Variants in MYO18B observed in about 807,000 individuals in gnomAD.
MYO18B encodes the protein unconventional myosin-XVIIIb.
In MYO18B, 204 loss-of-function variants were observed where a neutral mutation model predicts 273.0. The observed-to-expected ratio is 0.75, with a 90% CI of 0.67 to 0.84. The LOEUF (loss-of-function observed/expected upper bound fraction) is 0.84. Ranked by LOEUF, MYO18B falls within the 40% of genes least tolerant of loss-of-function variation. The pLI, the probability that MYO18B is intolerant of heterozygous loss-of-function variation, is 0.00. For synonymous variants in MYO18B, 1,330 were observed against 1,305.7 expected (o/e 1.02, Z -0.40); for missense variants, 3,212 against 3,287.6 (o/e 0.98, Z 0.56).
Position 25,761,379 on chromosome 22 carries a change from A to AGGTGGTGGT in MYO18B, c.39+260_39+268dup. 1.6e-3 allele frequency among the ~76,000 whole-genome samples: 245 copies of AGGTGGTGGT among 151,402 alleles called. 2 individuals carry two copies. The highest frequency in any genetic ancestry group is 0.011 in the South Asian group (51 of 4,768). On this transcript the variant is annotated intron_variant, in intron 2 of 43. Coordinates refer to ENST00000335473, the MANE Select transcript of MYO18B (RefSeq NM_032608.7). ...GCTGCCTGGTTGTTTCCTGTTCCAC[A>AGGTGGTGGT]GGTGGTGGTGGTGGTGGTGGGGGGT...
At chr22:25,924,108 A>G (rs2092387558) in intron 34 of MYO18B, among the ~76,000 whole-genome samples, 1 of 152,184 alleles carries the variant, frequency 6.6e-6, no homozygotes, top group Non-Finnish European at 1.5e-5. Context: ...CGTGGACCAG[A>G]GGTCAGGGTA....
At chr22:25,969,446 G>T (rs2146725283) in intron 39 of MYO18B, among the ~76,000 whole-genome samples, 1 of 152,320 alleles carries the variant, frequency 6.6e-6, no homozygotes, top group East Asian at 1.9e-4. Context: ...AGATCTGGCT[G>T]CTGTCCTGAT....
intron 40 of MYO18B, among the ~76,000 whole-genome samples, chr22:25,994,040 G>GA (rs1932970467): frequency 6.6e-6 from 1 of 152,084 alleles, no homozygotes; most frequent in Admixed American, 6.6e-5. Flanking sequence ...CCTAATTTTA[G>GA]AATGCGCATA....
intron 39 of MYO18B, among the ~76,000 whole-genome samples, chr22:25,974,971 A>G (rs1202408746): frequency 6.6e-6 from 1 of 152,176 alleles, no homozygotes; most frequent in African/African-American, 2.4e-5. Context: ...GCCATGTCCC[A>G]GAGTTGGAGA....
At position 25,908,407 on chromosome 22, in the gene MYO18B, A is replaced by T. The variant is rs763678704; in HGVS notation, c.5234A>T (p.Asp1745Val). The change falls in exon 32 of 44, where the codon GAT (aspartate) becomes GTT (valine). Residue 1745 changes from aspartate to valine, a missense_variant. Coordinates refer to ENST00000335473, the MANE Select transcript of MYO18B (RefSeq NM_032608.7). ...DREDQEEELE[D>V]VRQSCQKRLH... ...GAGGACCAGGAGGAGGAACTGGAGGATGTCCGTCAGTCCTGCCAGAAGCGG... is the reference window on the plus strand; with the variant it reads ...GAGGACCAGGAGGAGGAACTGGAGGTTGTCCGTCAGTCCTGCCAGAAGCGG... 1.3e-6 allele frequency: 2 copies of T among 1,597,566 alleles called. No homozygotes were observed. Among genetic ancestry groups the T allele is most frequent in the East Asian group, 4.5e-5 (2 of 44,154 alleles).
chr22:25,878,084 G>T, intron 25 of MYO18B, 36 bp downstream of exon 25: 1 of 1,498,874 alleles, frequency 6.7e-7, no homozygotes, highest in Non-Finnish European at 9.1e-7. Flanking sequence ...CTTGTGGGGG[G>T]TCTTTATGTA....
chr22:25,846,258 C>T lies in MYO18B; in HGVS notation c.3527C>T (p.Pro1176Leu), dbSNP rs533353146. Residue 1176 changes from proline to leucine, a missense_variant, in exon 19 of 44, where the codon CCG (proline) becomes CTG (leucine). Pro to Leu is a moderately conservative substitution (Grantham distance 98, BLOSUM62 -3). Transcript: ENST00000335473. ...SSLAAVRRKAPCSQIKLQMDA... is the reference protein window; with the variant it reads ...SSLAAVRRKALCSQIKLQMDA... ...CTTGCCGCGGTGAGGAGGAAAGCCC[C>T]GTGCTCCCAGATCAAGCTGCAGATG... is the stretch of plus-strand genomic sequence containing the variant. The T allele has an allele frequency of 4.7e-5, 76 of 1,612,002 alleles. No homozygotes were observed. Among genetic ancestry groups the T allele is most frequent in the Admixed American group, 1.3e-4 (8 of 60,022 alleles).
intron 21 of MYO18B, among the ~76,000 whole-genome samples, chr22:25,859,830 T>C (rs948721749): frequency 1.3e-5 from 2 of 152,260 alleles, no homozygotes; most frequent in African/African-American, 4.8e-5. Context: ...TTCATAATGA[T>C]GCACAGAGAT....
chr22:25,789,120 C>T (rs200669101), intron 11 of MYO18B, among the ~76,000 whole-genome samples: 16 of 128,098 alleles, frequency 1.2e-4, no homozygotes, highest in Middle Eastern at 7.6e-3. Flanking sequence ...CCTCCTCCTC[C>T]TCCTCTTCCT....
At chr22:26,008,572 A>G (rs750016846) in intron 42 of MYO18B, among the ~76,000 whole-genome samples, 38 of 152,316 alleles carry the variant, frequency 2.5e-4, no homozygotes, top group Admixed American at 8.5e-4. Flanking sequence ...AAATACACCT[A>G]AAGCGTTATG....
rs1191595703 is a variant in MYO18B at position 25,971,783 on chromosome 22, G to A, written c.6156+16419G>A. On this transcript the variant is annotated intron_variant, in intron 39 of 43. Transcript: ENST00000335473. ...GAGTAGTTTTTGTTGTAGTTGGGTCGACATTAAAGACTTGTTGTCTGTAAG... is the reference window on the plus strand; with the variant it reads ...GAGTAGTTTTTGTTGTAGTTGGGTCAACATTAAAGACTTGTTGTCTGTAAG... Among the ~76,000 whole-genome samples, 5 of 152,140 alleles carry A rather than the reference G, an allele frequency of 3.3e-5. No individual in the cohort carries two copies. The East Asian group carries it at 7.7e-4, about 23-fold the overall frequency.
At chr22:25,937,322 G>A (rs925986016) in intron 34 of MYO18B, among the ~76,000 whole-genome samples, 12 of 151,986 alleles carry the variant, frequency 7.9e-5, no homozygotes, top group Admixed American at 6.5e-5. Flanking sequence ...GGCCTCAACC[G>A]ATTCGTTTGC....
Position 25,801,943 on chromosome 22 carries a change from T to C in MYO18B, c.2521+3846T>C, listed in dbSNP as rs567216823. Among the ~76,000 whole-genome samples, 4 of 152,274 alleles carry C rather than the reference T, an allele frequency of 2.6e-5. No homozygotes were observed. The East Asian group carries it at 7.7e-4, about 29-fold the overall frequency. On this transcript the variant is annotated intron_variant, in intron 12 of 43. Transcript: ENST00000335473. Reference sequence around the variant, plus strand: ...AGCCTCTGGGACCACACCTCCTACCTCCCACCTCCCAAGTACCCTGTGTTC... The same window carrying C: ...AGCCTCTGGGACCACACCTCCTACCCCCCACCTCCCAAGTACCCTGTGTTC...
the MYO18B span, among the ~76,000 whole-genome samples, chr22:26,037,830 T>C: frequency 6.6e-6 from 1 of 152,216 alleles, no homozygotes; most frequent in African/African-American, 2.4e-5. Flanking sequence ...GCTGCTGGTG[T>C]TTCACTGGGT....
chr22:25,843,630 A>G (rs1485294342), intron 17 of MYO18B, 105 bp from the exon 18 acceptor site: 5 of 1,202,564 alleles, frequency 4.2e-6, no homozygotes, highest in Admixed American at 2.3e-5. Context: ...AGCGTTAGCT[A>G]TCTGGAAACA....
intron 42 of MYO18B, among the ~76,000 whole-genome samples, chr22:26,009,459 T>G (rs1199421206): frequency 3.3e-5 from 5 of 152,184 alleles, no homozygotes; most frequent in African/African-American, 1.2e-4. Context: ...TTTTCCTTCC[T>G]TTTGATTCGA....
At chr22:25,913,323 A>G (rs904504041) in intron 33 of MYO18B, among the ~76,000 whole-genome samples, 1 of 152,182 alleles carries the variant, frequency 6.6e-6, no homozygotes, top group African/African-American at 2.4e-5. Context: ...GGCCCTCCAC[A>G]GGGATGCTGT....
intron 11 of MYO18B, among the ~76,000 whole-genome samples, chr22:25,787,036 A>G (rs1411631977): frequency 6.6e-6 from 1 of 152,130 alleles, no homozygotes; most frequent in Non-Finnish European, 1.5e-5. Context: ...CAACATGGTG[A>G]AACCCCATCT....
At chr22:26,053,650 T>A in the MYO18B span, among the ~76,000 whole-genome samples, 1 of 152,206 alleles carries the variant, frequency 6.6e-6, no homozygotes, top group Non-Finnish European at 1.5e-5. Flanking sequence ...TGGGAAACAA[T>A]GAAGCATTAA....
Sources: gnomAD v4.1 joint callset for allele counts (sites outside exome capture counted in the v4.1 genomes callset) on GRCh38, gnomAD v4.1.1 for gene constraint, MANE v1.5 for transcripts, NCBI Gene and HGNC (gene_info 2026-07-23, HGNC 2026-07-21) for gene names.